The following ATL2 variants were observed in gnomAD, a reference collection of about 807,000 sequenced individuals.
ATL2 encodes atlastin GTPase 2, also known as atlastin-2.
Under a neutral mutation model 73.9 loss-of-function variants are expected in ATL2, and 31 were observed. The ratio of observed to expected loss-of-function variants is 0.42; its 90% CI spans 0.32 to 0.57. The LOEUF (loss-of-function observed/expected upper bound fraction) is 0.57, where lower values mean the gene tolerates loss of function less well. Ranked by LOEUF, ATL2 falls within the 20% of genes least tolerant of loss-of-function variation. The pLI is 0.14. For synonymous variants in ATL2, 291 were observed against 237.5 expected (o/e 1.23, Z -2.07); for missense variants, 738 against 702.6 (o/e 1.05, Z -0.57).
At chr2:38,326,011 T>C (rs1298797479) in intron 2 of ATL2, among the ~76,000 whole-genome samples, 2 of 151,692 alleles carry the variant, frequency 1.3e-5, no homozygotes, top group Non-Finnish European at 2.9e-5. Context: ...ATCTCAGCTA[T>C]TCAGGAGACT....
chr2:38,376,190 A>C (rs1671952570), intron 1 of ATL2: 1 of 1,521,640 alleles, frequency 6.6e-7, no homozygotes, highest in Non-Finnish European at 8.8e-7. Flanking sequence ...CAAAATTTTC[A>C]ATCAGGATTT....
At position 38,309,396 on chromosome 2, in the gene ATL2, G is replaced by A; in HGVS notation, c.1054C>T (p.Leu352Phe). 6.2e-7 allele frequency: 1 copy of A among 1,609,056 alleles called. No homozygotes were observed. Among genetic ancestry groups the A allele is most frequent in the East Asian group, 2.2e-5 (1 of 44,742 alleles). The change falls in exon 9 of 13, where the codon CTT becomes TTT. Residue 352 changes from leucine to phenylalanine, a missense_variant. By Grantham distance (22) the Leu-to-Phe change is conservative (BLOSUM62 0). Coordinates refer to ENST00000378954, the MANE Select transcript of ATL2 (RefSeq NM_001135673.4). ...ISGSKVTCRDLVEYFKAYIKI... is the reference protein window; with the variant it reads ...ISGSKVTCRDFVEYFKAYIKI... Reference sequence around the variant, plus strand: ...TCACCTACCTTAAAATATTCTACAAGATCTCTACAAGTGACTTTAGATCCA... The same window carrying A: ...TCACCTACCTTAAAATATTCTACAAAATCTCTACAAGTGACTTTAGATCCA...
At chr2:38,335,615 G>C (rs1250234096) in intron 2 of ATL2, among the ~76,000 whole-genome samples, 1 of 151,960 alleles carries the variant, frequency 6.6e-6, no homozygotes, top group African/African-American at 2.4e-5. Context: ...AGGGGAATTA[G>C]AGAGCCTCCT....
At chr2:38,347,169 G>A (rs1200155899) in intron 1 of ATL2, among the ~76,000 whole-genome samples, 2 of 152,144 alleles carry the variant, frequency 1.3e-5, no homozygotes, top group African/African-American at 4.8e-5. Context: ...AAAGAAGAAA[G>A]CCCTTAAATA....
chr2:38,367,603 A>AC (rs796784737), intron 1 of ATL2, among the ~76,000 whole-genome samples: 11,564 of 141,288 alleles, frequency 0.082, 2,323 homozygotes, highest in African/African-American at 0.32. Context: ...TCAAAAAAAA[A>AC]AAAAAAAAAA....
chr2:38,357,126 G>A (rs561930432), intron 1 of ATL2, among the ~76,000 whole-genome samples: 70 of 152,074 alleles, frequency 4.6e-4, no homozygotes, highest in African/African-American at 1.6e-3. Context: ...TCAGGAGATC[G>A]AGACCATCCT....
intron 2 of ATL2, among the ~76,000 whole-genome samples, chr2:38,333,258 C>A (rs1276564242): frequency 2.0e-5 from 3 of 152,140 alleles, no homozygotes; most frequent in Non-Finnish European, 4.4e-5. Context: ...CTCTTCACTC[C>A]AGCCTGGGCA....
intron 2 of ATL2, among the ~76,000 whole-genome samples, chr2:38,322,986 C>T (rs1668407055): frequency 6.6e-6 from 1 of 152,182 alleles, no homozygotes. Context: ...ACACTGACAG[C>T]TTTCATAAAA....
chr2:38,296,656 T>C (rs1294594598), intron 12 of ATL2: 3 of 1,584,382 alleles, frequency 1.9e-6, no homozygotes, highest in South Asian at 1.1e-5. Context: ...AGTTTAAGAC[T>C]ACAAGAATTT....
chr2:38,313,421 C>G (rs574693068), intron 6 of ATL2, among the ~76,000 whole-genome samples, 178 bp from the exon 7 acceptor site: 11 of 152,236 alleles, frequency 7.2e-5, no homozygotes, highest in African/African-American at 2.6e-4. Context: ...AAACAACATT[C>G]TCAGGCCCTA....
rs537167300 is a variant in ATL2 at position 38,298,341 on chromosome 2, A to C, written c.1435T>G (p.Phe479Val). The C allele has an allele frequency of 3.7e-6, 6 of 1,614,196 alleles. 1 individual carries two copies. Among genetic ancestry groups the C allele is most frequent in the African/African-American group, 2.7e-5 (2 of 75,056 alleles). The change falls in exon 12 of 13, where the codon TTT becomes GTT. Residue 479 changes from phenylalanine to valine, a missense_variant. Physicochemically the swap from Phe to Val is conservative, Grantham distance 50 (BLOSUM62 -1). Coordinates refer to ENST00000378954, the MANE Select transcript of ATL2 (RefSeq NM_001135673.4). ...FYAARTPATL[F>V]AVMFAMYIIS... Reference sequence around the variant, plus strand: ...ATATACATAGCAAACATGACCGCAAACAGTGTGGCTGGGGTACGAGCAGCA... The same window carrying C: ...ATATACATAGCAAACATGACCGCAACCAGTGTGGCTGGGGTACGAGCAGCA...
chr2:38,306,894 T>G (rs1667475846), intron 9 of ATL2, among the ~76,000 whole-genome samples: 3 of 152,156 alleles, frequency 2.0e-5, no homozygotes. Flanking sequence ...AAGTTGTACT[T>G]CAGTACAAAC....
chr2:38,330,354 G>T (rs991041677), intron 2 of ATL2, among the ~76,000 whole-genome samples: 11 of 151,876 alleles, frequency 7.2e-5, no homozygotes, highest in Non-Finnish European at 4.4e-5. Flanking sequence ...AAACAGACAA[G>T]GATATTCATT....
In ATL2 at chr2:38,296,251, C is replaced by T. The variant is rs934798538; in HGVS notation, c.1633-138G>A. ...ATGGGAAATAAAAAGATGCTTCTCT[C>T]AAAAAAACTTATGATGCTACTAGAC... On this transcript the variant is annotated intron_variant, in intron 12 of 12. Coordinates refer to ENST00000378954, the MANE Select transcript of ATL2 (RefSeq NM_001135673.4). The T allele has an allele frequency of 3.7e-5, 53 of 1,430,188 alleles. 1 individual carries two copies. The African/African-American group carries it at 7.6e-4, about 21-fold the overall frequency. 88.6% of individuals were successfully genotyped at this position (1,430,188 alleles called of 1,614,324 possible).
intron 2 of ATL2, among the ~76,000 whole-genome samples, chr2:38,333,061 G>C (rs1362135933): frequency 6.6e-6 from 1 of 151,890 alleles, no homozygotes. Flanking sequence ...AAGAAATTCT[G>C]AACTAAAATT....
At chr2:38,354,338 A>G (rs1444461341) in intron 1 of ATL2, among the ~76,000 whole-genome samples, 1 of 152,200 alleles carries the variant, frequency 6.6e-6, no homozygotes, top group African/African-American at 2.4e-5. Context: ...TACAAATATA[A>G]AAGACTGGTT....
At chr2:38,376,947 C>A (rs1216539227) in intron 1 of ATL2, among the ~76,000 whole-genome samples, 196 bp downstream of exon 1, 2 of 151,044 alleles carry the variant, frequency 1.3e-5, no homozygotes, top group Non-Finnish European at 3.0e-5. Flanking sequence ...GGCCCACGAG[C>A]CGCCCTTTCA....
chr2:38,343,655 T>G, intron 1 of ATL2, 143 bp from the exon 2 acceptor site: 1 of 751,172 alleles, frequency 1.3e-6, no homozygotes, highest in Non-Finnish European at 2.1e-6. Context: ...TTTGGATTTC[T>G]CACTCCCTCT....
intron 1 of ATL2, 21 bp downstream of exon 1, chr2:38,377,122 C>T (rs765160648): frequency 1.2e-6 from 2 of 1,605,822 alleles, no homozygotes; most frequent in Admixed American, 1.7e-5. Context: ...GCCCCGCGGC[C>T]TCTGCCTCGC....
Sources: allele counts gnomAD v4.1 joint callset (sites outside exome capture counted in the v4.1 genomes callset), GRCh38; gene constraint gnomAD v4.1.1; transcripts MANE v1.5; gene names NCBI Gene and HGNC (gene_info 2026-07-23, HGNC 2026-07-21).